Variants in ATRX observed in about 807,000 individuals in gnomAD.
ATRX encodes chromatin remodeler ATRX.
ATRX carries 12 observed loss-of-function variants against 172.6 expected under a neutral mutation model. The ratio of observed to expected loss-of-function variants is 0.07; its 90% confidence interval spans 0.04 to 0.11. ATRX has a LOEUF of 0.11. ATRX is among the 10% of genes least tolerant of loss of function. The pLI is 1.00. For missense variants in ATRX, 1,368 were observed against 1,767.4 expected, an observed-to-expected ratio of 0.77 and a Z score of 4.05; for synonymous variants, 674 against 594.7, an observed-to-expected ratio of 1.13 and a Z score of -1.94.
At chrX:77,691,403 G>A (rs1557146970) in intron 6 of ATRX, 1 of 111,131 alleles carries the variant, frequency 9.0e-6, no homozygotes. Flanking sequence ...GTAACACAGG[G>A]TATAAATGGA....
chrX:77,713,140 T>G (rs1241388111), intron 2 of ATRX, among the ~76,000 whole-genome samples: 1 of 111,009 alleles, frequency 9.0e-6, no homozygotes, highest in African/African-American at 3.3e-5. Flanking sequence ...AGAGTGAGAC[T>G]CCATCTCAAA....
At chrX:77,722,593 C>A (rs782068226) in intron 1 of ATRX, among the ~76,000 whole-genome samples, 1 of 111,677 alleles carries the variant, frequency 9.0e-6, no homozygotes, top group East Asian at 2.8e-4. Flanking sequence ...TGAAAAAAAA[C>A]TCATCATCAC....
At chrX:77,744,303 C>T (rs1471150691) in intron 1 of ATRX, among the ~76,000 whole-genome samples, 1 of 112,110 alleles carries the variant, frequency 8.9e-6, no homozygotes, top group Admixed American at 9.4e-5. Flanking sequence ...GGCAACAGAG[C>T]TGTCTCAAAA....
At chrX:77,610,976 A>C (rs1245680505) in intron 22 of ATRX, among the ~76,000 whole-genome samples, 1 of 109,017 alleles carries the variant, frequency 9.2e-6, no homozygotes, top group East Asian at 2.8e-4. Flanking sequence ...ATAGTATATA[A>C]ACACAATGTA....
intron 15 of ATRX, among the ~76,000 whole-genome samples, chrX:77,648,248 T>C (rs2069016442): frequency 8.9e-6 from 1 of 111,766 alleles, no homozygotes; most frequent in African/African-American, 3.2e-5. Context: ...GATGTGAATA[T>C]AATCAGCCAT....
chrX:77,728,764 CTT>C (rs200509557), intron 1 of ATRX, among the ~76,000 whole-genome samples: 2 of 94,082 alleles, frequency 2.1e-5, no homozygotes, highest in Admixed American at 1.2e-4. Flanking sequence ...CTTTTCTTTT[CTT>C]TTTTTTTTTT....
chrX:77,784,581 G>C (rs781959440), intron 1 of ATRX, among the ~76,000 whole-genome samples: 1 of 111,365 alleles, frequency 9.0e-6, no homozygotes, highest in Non-Finnish European at 1.9e-5. Flanking sequence ...AGTTATACTG[G>C]GTACCACTTA....
chrX:77,622,564 A>G lies in ATRX; in HGVS notation c.5135-2032T>C, dbSNP rs1429299934. Among the ~76,000 whole-genome samples, 18 of 111,778 alleles carry G rather than the reference A, an allele frequency of 1.6e-4. No homozygotes were observed. The Admixed American group carries it at 1.6e-3, about 10-fold the overall frequency. ...CCATCAGAGCAGAGGGTAAAACTCC[A>G]CAGGGAGAAGGACTTCTCTAGCTGA... On this transcript the variant is annotated intron_variant, in intron 19 of 34. Transcript: ENST00000373344.
chrX:77,610,311 T>G (rs1296729637), intron 22 of ATRX, among the ~76,000 whole-genome samples: 3 of 112,117 alleles, frequency 2.7e-5, no homozygotes, highest in African/African-American at 9.7e-5. Flanking sequence ...GTTCCTGACC[T>G]CAGGAGAAAG....
chrX:77,676,181 G>C (rs2070855596), intron 10 of ATRX, 45 bp downstream of exon 10: 1 of 1,136,193 alleles, frequency 8.8e-7, no homozygotes, highest in African/African-American at 1.8e-5. Context: ...CCCATGCCTA[G>C]GGTGTGTTAT....
At chrX:77,661,997 T>C (rs1176380278) in intron 12 of ATRX, among the ~76,000 whole-genome samples, 1 of 111,548 alleles carries the variant, frequency 9.0e-6, no homozygotes, top group African/African-American at 3.3e-5. Context: ...TTTTCCCTGC[T>C]TGTGTTGTAA....
At chrX:77,570,766 G>C (rs782335768) in intron 28 of ATRX, among the ~76,000 whole-genome samples, 1 of 110,851 alleles carries the variant, frequency 9.0e-6, no homozygotes, top group Non-Finnish European at 1.9e-5. Context: ...GGGATGAAAA[G>C]ACAAGCCATA....
chrX:77,675,643 A>T (rs1324632126), intron 10 of ATRX: 1 of 114,683 alleles, frequency 8.7e-6, no homozygotes. Context: ...ATTTAAACCT[A>T]TTAAGTCTTA....
chrX:77,678,187 A>G lies in ATRX; in HGVS notation c.3737-1889T>C, dbSNP rs2070999652. Among the ~76,000 whole-genome samples, 3 of 106,174 alleles carry G rather than the reference A, an allele frequency of 2.8e-5. No individual in the cohort carries two copies. In the Admixed American group the frequency reaches 3.1e-4, roughly 11 times the overall value. 92.2% of individuals were successfully genotyped at this position (106,174 alleles called of 115,157 possible). ...CAGTGAGCCGAGATTGCACCACTGC[A>G]CTCCAGCCTGGGTGGCAGAGTGAGA... On this transcript the variant is annotated intron_variant, in intron 9 of 34. Coordinates refer to ENST00000373344, the MANE Select transcript of ATRX (RefSeq NM_000489.6).
intron 17 of ATRX, chrX:77,634,376 A>G: frequency 2.7e-6 from 1 of 364,807 alleles, no homozygotes; most frequent in East Asian, 4.5e-5. Flanking sequence ...TCCTAACTCA[A>G]TATCCTCCCT....
At chrX:77,531,558 AC>A (rs1474940017) in intron 30 of ATRX, among the ~76,000 whole-genome samples, 2 of 112,416 alleles carry the variant, frequency 1.8e-5, no homozygotes, top group Non-Finnish European at 3.8e-5. Flanking sequence ...GATGCAAAAA[AC>A]ATCTTCAATA....
intron 15 of ATRX, among the ~76,000 whole-genome samples, chrX:77,641,290 C>T (rs1176318641): frequency 9.1e-6 from 1 of 110,479 alleles, no homozygotes; most frequent in African/African-American, 3.3e-5. Context: ...TAAAAATGCC[C>T]AAATAGGCCG....
intron 27 of ATRX, among the ~76,000 whole-genome samples, chrX:77,579,519 T>C (rs2065753993): frequency 1.8e-5 from 2 of 108,455 alleles, no homozygotes; most frequent in African/African-American, 6.8e-5. Flanking sequence ...ATGCAGACAA[T>C]TCTTTTGGAT....
intron 27 of ATRX, among the ~76,000 whole-genome samples, chrX:77,580,079 T>G (rs1262144971): frequency 1.8e-5 from 2 of 111,411 alleles, no homozygotes; most frequent in Non-Finnish European, 3.8e-5. Flanking sequence ...AAAGAATTAG[T>G]GAGCCTGAAG....
Sources: gnomAD v4.1 joint callset for allele counts (sites outside exome capture counted in the v4.1 genomes callset) on GRCh38, gnomAD v4.1.1 for gene constraint, MANE v1.5 for transcripts, NCBI Gene and HGNC (gene_info 2026-07-23, HGNC 2026-07-21) for gene names.